CAST: variants seen among roughly 807,000 people sequenced by gnomAD.
CAST encodes the protein MIR583 host.
CAST carries 76 observed loss-of-function variants against 119.6 expected under a neutral mutation model. The ratio of observed to expected loss-of-function variants is 0.64; its 90% confidence interval spans 0.53 to 0.77. The LOEUF is 0.77. Ranked by LOEUF, CAST falls within the 30% of genes least tolerant of loss-of-function variation. The pLI is 0.00. For synonymous variants in CAST, 319 were observed against 331.6 expected (o/e 0.96, Z 0.41); for missense variants, 953 against 946.5 (o/e 1.01, Z -0.09).
chr5:96,531,620 A>C (rs1745690610), intron 1 of CAST, among the ~76,000 whole-genome samples: 1 of 152,216 alleles, frequency 6.6e-6, no homozygotes, highest in African/African-American at 2.4e-5. Flanking sequence ...TAGACAATTT[A>C]AGATCACAAG....
At chr5:96,515,901 A>G in the CAST span, among the ~76,000 whole-genome samples, 1 of 151,864 alleles carries the variant, frequency 6.6e-6, no homozygotes, top group African/African-American at 2.4e-5. Flanking sequence ...CTTCTGTAGG[A>G]AATCTTGGGT....
At chr5:96,474,748 T>C in the CAST span, among the ~76,000 whole-genome samples, 1 of 152,064 alleles carries the variant, frequency 6.6e-6, no homozygotes, top group Admixed American at 6.6e-5. Flanking sequence ...TCTGGCTGCA[T>C]GGTAAAAAAC....
chr5:96,014,158 T>A, the CAST span, among the ~76,000 whole-genome samples: 1 of 147,084 alleles, frequency 6.8e-6, no homozygotes, highest in African/African-American at 2.5e-5. Context: ...TTTTTTTTTT[T>A]ACTTTTAAAT....
intron 1 of CAST, among the ~76,000 whole-genome samples, chr5:96,615,274 A>C (rs568918255): frequency 3.3e-5 from 5 of 152,302 alleles, no homozygotes; most frequent in Admixed American, 3.3e-4. Flanking sequence ...TTGACTTACA[A>C]TATTTTCTAT....
upstream of CAST, among the ~76,000 whole-genome samples, chr5:96,526,682 A>C (rs1205813209): frequency 6.6e-6 from 1 of 152,194 alleles, no homozygotes. Flanking sequence ...AAATTAGTGA[A>C]GCATTCTCAG....
the CAST span, among the ~76,000 whole-genome samples, chr5:96,016,796 C>G: frequency 6.8e-6 from 1 of 147,848 alleles, no homozygotes; most frequent in Non-Finnish European, 1.5e-5. Context: ...GTGACATTCT[C>G]TCAGAGTGCT....
At chr5:96,354,142 G>A in the CAST span, among the ~76,000 whole-genome samples, 3 of 152,094 alleles carry the variant, frequency 2.0e-5, no homozygotes, top group African/African-American at 7.2e-5. Context: ...CACCTCCATT[G>A]TTATCACTAA....
the CAST span, among the ~76,000 whole-genome samples, chr5:96,362,791 T>C: frequency 6.6e-6 from 1 of 152,210 alleles, no homozygotes; most frequent in African/African-American, 2.4e-5. Context: ...GGTTGCCTGT[T>C]CACTCTGATG....
intron 3 of CAST, among the ~76,000 whole-genome samples, chr5:96,720,556 T>G (rs1418807446): frequency 6.6e-6 from 1 of 152,244 alleles, no homozygotes. Context: ...AGTGCCTTAG[T>G]GAGGGAAGAA....
At chr5:96,459,946 A>G in the CAST span, among the ~76,000 whole-genome samples, 1 of 152,132 alleles carries the variant, frequency 6.6e-6, no homozygotes, top group African/African-American at 2.4e-5. Flanking sequence ...TTCTGCCCAT[A>G]CCATACGGTA....
At chr5:96,506,170 A>G in the CAST span, among the ~76,000 whole-genome samples, 1 of 152,260 alleles carries the variant, frequency 6.6e-6, no homozygotes, top group East Asian at 1.9e-4. Flanking sequence ...ATATTTGTAT[A>G]GATCCCAAGA....
At chr5:96,561,800 T>TTTTTTTTTTTTTTTTTTTTTTG (rs1561417194) in intron 1 of CAST, among the ~76,000 whole-genome samples, 1 of 98,920 alleles carries the variant, frequency 1.0e-5, no homozygotes, top group Non-Finnish European at 2.1e-5. Context: ...TTTTTTGTTT[T>TTTTTTTTTTTTTTTTTTTTTTG]TTTTTTTTTT....
the CAST span, among the ~76,000 whole-genome samples, chr5:96,510,228 T>C: frequency 6.6e-6 from 1 of 152,192 alleles, no homozygotes; most frequent in Non-Finnish European, 1.5e-5. Context: ...GCAGGATTTA[T>C]AGGAAGGCAA....
chr5:95,961,707 C>G, the CAST span: 1 of 1,602,530 alleles, frequency 6.2e-7, no homozygotes. Flanking sequence ...GGCCCCCTGT[C>G]CCCCCCGCCG....
the CAST span, among the ~76,000 whole-genome samples, chr5:96,081,386 A>T: frequency 2.6e-5 from 4 of 152,212 alleles, no homozygotes; most frequent in Non-Finnish European, 5.9e-5. Context: ...GAAGTCCCAT[A>T]GAGCTCAGCA....
chr5:96,038,118 T>C, the CAST span, among the ~76,000 whole-genome samples: 12 of 152,108 alleles, frequency 7.9e-5, no homozygotes, highest in African/African-American at 2.4e-4. Context: ...TTGCATTCTA[T>C]TTGTCAAAAA....
the CAST span, among the ~76,000 whole-genome samples, chr5:96,353,997 C>T: frequency 2.0e-5 from 3 of 152,194 alleles, no homozygotes; most frequent in Admixed American, 1.3e-4. Flanking sequence ...GAAACTTCAT[C>T]CTTCCAGCTT....
At chr5:96,399,877 T>A in the CAST span, 1,673 of 1,167,476 alleles carry the variant, frequency 1.4e-3, 5 homozygotes, top group Non-Finnish European at 1.9e-3. Flanking sequence ...TACAAAAAAA[T>A]CAGGCAGAAT....
chr5:96,460,576 A>C, the CAST span, among the ~76,000 whole-genome samples: 9 of 149,786 alleles, frequency 6.0e-5, no homozygotes, highest in Non-Finnish European at 1.2e-4. Context: ...AAAAAAAAAA[A>C]CCAACCCTCA....
Sources: gnomAD v4.1 joint callset for allele counts (sites outside exome capture counted in the v4.1 genomes callset) on GRCh38, gnomAD v4.1.1 for gene constraint, MANE v1.5 for transcripts, NCBI Gene and HGNC (gene_info 2026-07-23, HGNC 2026-07-21) for gene names.